The following STARD13 variants were observed in gnomAD, a reference collection of about 807,000 sequenced individuals.
The protein encoded by STARD13 is StAR related lipid transfer domain containing 13.
A neutral mutation model predicts 106.4 loss-of-function variants in STARD13; 62 were observed. The observed-to-expected ratio is 0.58, with a 90% CI of 0.48 to 0.72. The LOEUF (loss-of-function observed/expected upper bound fraction) is 0.72, where lower values mean the gene tolerates loss of function less well. Ranked by LOEUF, STARD13 falls within the 30% of genes least tolerant of loss-of-function variation. The probability of loss-of-function intolerance (pLI) is 0.00; values close to 1 mark genes in which losing one functional copy is unlikely to be tolerated. For missense variants in STARD13, 1,387 were observed against 1,424.0 expected (o/e 0.97, Z 0.42); for synonymous variants, 565 against 553.0 (o/e 1.02, Z -0.31).
At chr13:33,414,047 A>G in the STARD13 span, among the ~76,000 whole-genome samples, 24 of 143,696 alleles carry the variant, frequency 1.7e-4, no homozygotes, top group East Asian at 4.4e-4. Context: ...AAAAAAAAAA[A>G]AAAGAAAAGA....
chr13:33,297,879 G>A lies in STARD13; in HGVS notation c.124+52411C>T, dbSNP rs192565069. On this transcript the variant is annotated intron_variant, in intron 1 of 5. Coordinates refer to the STARD13 transcript ENST00000567873. Reference sequence around the variant, plus strand: ...AAATCTGCACAACAATGACAGATACGGTCTTACATGGCTTGAACTTCCCAG... The same window carrying A: ...AAATCTGCACAACAATGACAGATACAGTCTTACATGGCTTGAACTTCCCAG... Among the ~76,000 whole-genome samples the A allele has an allele frequency of 7.2e-5, 11 of 152,228 alleles. No individual in the cohort carries two copies. In the East Asian group the frequency reaches 1.7e-3, roughly 24 times the overall value.
chr13:33,185,984 G>T (rs1369061785), intron 1 of STARD13: 1 of 1,614,116 alleles, frequency 6.2e-7, no homozygotes, highest in African/African-American at 1.3e-5. Context: ...AAGGGGCCTG[G>T]TTAACGTTTG....
chr13:33,180,378 G>A (rs1885117919), intron 1 of STARD13: 1 of 152,186 alleles, frequency 6.6e-6, no homozygotes, highest in South Asian at 2.1e-4. Context: ...TGCCTGATAT[G>A]CGGGGATCTC....
intron 1 of STARD13, among the ~76,000 whole-genome samples, chr13:33,317,296 A>G (rs1893378100): frequency 6.6e-6 from 1 of 152,152 alleles, no homozygotes; most frequent in Admixed American, 6.5e-5. Flanking sequence ...GGCTTCTCCA[A>G]CTCATTTAAT....
At chr13:33,352,458 T>C (rs1172905625), upstream of STARD13, among the ~76,000 whole-genome samples, 2 of 152,246 alleles carry the variant, frequency 1.3e-5, no homozygotes, top group African/African-American at 4.8e-5. Flanking sequence ...AGTGATCATT[T>C]AGCTCTCAAG....
At chr13:33,399,966 T>G in the STARD13 span, among the ~76,000 whole-genome samples, 1 of 152,158 alleles carries the variant, frequency 6.6e-6, no homozygotes, top group Non-Finnish European at 1.5e-5. Flanking sequence ...TTGAATACAT[T>G]CAAGGTATAC....
At chr13:33,301,385 G>T (rs114054456) in intron 1 of STARD13, among the ~76,000 whole-genome samples, 22 of 152,138 alleles carry the variant, frequency 1.4e-4, no homozygotes, top group African/African-American at 4.1e-4. Context: ...CTCTTCTTCT[G>T]GATATGACTT....
the STARD13 span, among the ~76,000 whole-genome samples, chr13:33,481,855 G>A: frequency 0.099 from 11,716 of 118,338 alleles, 492 homozygotes; most frequent in East Asian, 0.15. Context: ...GGTGGCGGGC[G>A]CCTGTAAGTC....
the STARD13 span, among the ~76,000 whole-genome samples, chr13:33,399,876 T>C: frequency 2.0e-5 from 3 of 152,084 alleles, no homozygotes; most frequent in Non-Finnish European, 4.4e-5. Context: ...GAGGGGGCAA[T>C]GACGGCAAAG....
At chr13:33,255,426 G>A (rs796485660) in intron 1 of STARD13, among the ~76,000 whole-genome samples, 8 of 151,860 alleles carry the variant, frequency 5.3e-5, no homozygotes, top group African/African-American at 1.7e-4. Flanking sequence ...CTCACAACTG[G>A]GCCAAACTCC....
intron 1 of STARD13, among the ~76,000 whole-genome samples, chr13:33,233,300 C>T (rs1566088828): frequency 6.6e-6 from 1 of 152,242 alleles, no homozygotes; most frequent in Non-Finnish European, 1.5e-5. Flanking sequence ...GTTTTCTACA[C>T]TGTCAGGCCC....
chr13:33,440,456 C>A, the STARD13 span, among the ~76,000 whole-genome samples: 2 of 151,718 alleles, frequency 1.3e-5, no homozygotes, highest in Middle Eastern at 3.4e-3. Flanking sequence ...CAGCTGACTA[C>A]TCCTTCCTTC....
the STARD13 span, among the ~76,000 whole-genome samples, chr13:33,383,481 C>T: frequency 6.6e-6 from 1 of 151,752 alleles, no homozygotes. Flanking sequence ...CAGTGGCTCA[C>T]ACCTGTAATC....
chr13:33,636,192 C>T, the STARD13 span, among the ~76,000 whole-genome samples: 1 of 148,824 alleles, frequency 6.7e-6, no homozygotes, highest in Non-Finnish European at 1.5e-5. Flanking sequence ...GAGATCATCA[C>T]TCATAGTAAA....
chr13:33,159,251 C>T (rs188887067), intron 3 of STARD13, among the ~76,000 whole-genome samples: 12 of 152,164 alleles, frequency 7.9e-5, no homozygotes, highest in East Asian at 7.7e-4. Context: ...TTTTTCTGGA[C>T]GACACTAGTA....
At chr13:33,450,536 T>C in the STARD13 span, among the ~76,000 whole-genome samples, 10 of 152,194 alleles carry the variant, frequency 6.6e-5, no homozygotes, top group Non-Finnish European at 1.2e-4. Flanking sequence ...TCTTTTTTGG[T>C]TGTGTTATTG....
At chr13:33,470,928 A>C in the STARD13 span, among the ~76,000 whole-genome samples, 307 of 152,238 alleles carry the variant, frequency 2.0e-3, no homozygotes, top group African/African-American at 7.2e-3. Flanking sequence ...CTTTAGTTTG[A>C]TTAGATCCAT....
intron 1 of STARD13, among the ~76,000 whole-genome samples, chr13:33,310,643 T>G (rs1262573590): frequency 6.6e-6 from 1 of 152,166 alleles, no homozygotes; most frequent in Non-Finnish European, 1.5e-5. Flanking sequence ...TTGAATAAAA[T>G]TCAATATATA....
the STARD13 span, among the ~76,000 whole-genome samples, chr13:33,458,251 GT>G: frequency 6.6e-6 from 1 of 150,768 alleles, no homozygotes; most frequent in Non-Finnish European, 1.5e-5. Flanking sequence ...AAATATATAG[GT>G]TTTTTTGTTT....
Sources: allele counts gnomAD v4.1 joint callset (sites outside exome capture counted in the v4.1 genomes callset), GRCh38; gene constraint gnomAD v4.1.1; transcripts MANE v1.5; gene names NCBI Gene and HGNC (gene_info 2026-07-23, HGNC 2026-07-21).